The following CNTNAP2 variants were observed in gnomAD, a reference collection of about 807,000 sequenced individuals.
CNTNAP2 encodes the protein contactin associated protein 2, also known as contactin-associated protein-like 2.
Under a neutral mutation model 155.2 loss-of-function variants are expected in CNTNAP2, and 98 were observed. The ratio of observed to expected loss-of-function variants is 0.63; its 90% CI spans 0.54 to 0.75. The LOEUF is 0.75. Among genes scored for constraint, CNTNAP2 ranks in the 30% least tolerant of loss-of-function variants. CNTNAP2 has a pLI of 0.00. For synonymous variants in CNTNAP2, 651 were observed against 631.2 expected, an observed-to-expected ratio of 1.03 and a Z score of -0.47; for missense variants, 1,727 against 1,688.1, an observed-to-expected ratio of 1.02 and a Z score of -0.40.
chr7:147,532,737 G>A (rs568746782), intron 11 of CNTNAP2, among the ~76,000 whole-genome samples: 4 of 152,154 alleles, frequency 2.6e-5, no homozygotes, highest in African/African-American at 9.7e-5. Flanking sequence ...CACTTCTTAC[G>A]TGGCAGCAGC....
chr7:146,785,320 T>G (rs192162278), intron 2 of CNTNAP2, among the ~76,000 whole-genome samples: 119 of 152,274 alleles, frequency 7.8e-4, no homozygotes, highest in Non-Finnish European at 1.5e-3. Context: ...TTTTCACATC[T>G]CAAATAAGGA....
chr7:146,919,684 C>G (rs873540), intron 3 of CNTNAP2, among the ~76,000 whole-genome samples: 2 of 152,168 alleles, frequency 1.3e-5, no homozygotes, highest in South Asian at 2.1e-4. Flanking sequence ...GGAGGTGGCA[C>G]GTTCAAGAGC....
chr7:148,391,601 C>CCCAGCCCTGAGTTAAGGTTTATTT (rs1799351426), intron 22 of CNTNAP2, among the ~76,000 whole-genome samples: 1 of 152,132 alleles, frequency 6.6e-6, no homozygotes, highest in African/African-American at 2.4e-5. Context: ...AAAAGTAACC[C>CCCAGCCCTGAGTTAAGGTTTATTT]CCAGCCCTGA....
chr7:147,895,003 C>T (rs1326402072), intron 13 of CNTNAP2, among the ~76,000 whole-genome samples: 1 of 93,496 alleles, frequency 1.1e-5, no homozygotes, highest in African/African-American at 4.3e-5. Context: ...CAGAGTCTTA[C>T]TCTGTCGCCC....
At chr7:148,181,723 T>C (rs569157312) in intron 18 of CNTNAP2, among the ~76,000 whole-genome samples, 13 of 148,732 alleles carry the variant, frequency 8.7e-5, no homozygotes, top group African/African-American at 3.2e-4. Context: ...TAAATAACTT[T>C]TGTTTCAAGT....
At chr7:146,292,868 G>A (rs1017249474) in intron 1 of CNTNAP2, among the ~76,000 whole-genome samples, 2 of 152,134 alleles carry the variant, frequency 1.3e-5, no homozygotes. Flanking sequence ...TATCCGAGAC[G>A]CTGGGAGAGA....
rs147515090 is a variant in CNTNAP2 at position 146,479,692 on chromosome 7, C to CA, written c.98-294571dup. Among the ~76,000 whole-genome samples, 1,177 of 150,738 alleles carry CA rather than the reference C, an allele frequency of 7.8e-3. 13 individuals are homozygous for CA. The highest frequency in any genetic ancestry group is 0.026 in the African/African-American group (1,084 of 41,174). ...AGAGTCAAGAATTAGCTTAATGGAC[C>CA]AAAAAAAACCCAAAAAACTTGTTTC... On this transcript the variant is annotated intron_variant, in intron 1 of 23. Coordinates refer to ENST00000361727, the MANE Select transcript of CNTNAP2 (RefSeq NM_014141.6).
At chr7:148,121,963 C>A (rs1394580083) in intron 16 of CNTNAP2, among the ~76,000 whole-genome samples, 1 of 152,158 alleles carries the variant, frequency 6.6e-6, no homozygotes, top group Non-Finnish European at 1.5e-5. Context: ...AGTGTGATTT[C>A]TTTCCCTCAA....
chr7:147,402,079 A>G (rs1419592862), intron 10 of CNTNAP2, among the ~76,000 whole-genome samples: 1 of 152,236 alleles, frequency 6.6e-6, no homozygotes, highest in Non-Finnish European at 1.5e-5. Context: ...AGTCAGTAGC[A>G]GAAAAGATAA....
chr7:146,867,539 A>G (rs1419009244), intron 3 of CNTNAP2, among the ~76,000 whole-genome samples: 2 of 152,054 alleles, frequency 1.3e-5, no homozygotes, highest in Non-Finnish European at 2.9e-5. Flanking sequence ...TATACCTGGT[A>G]ATGGGATTGC....
intron 15 of CNTNAP2, among the ~76,000 whole-genome samples, chr7:148,020,688 G>T (rs1802264706): frequency 6.6e-6 from 1 of 152,102 alleles, no homozygotes; most frequent in South Asian, 2.1e-4. Context: ...TTTATGATCT[G>T]CCTTAAAACC....
At chr7:147,459,951 A>G (rs1180069851) in intron 10 of CNTNAP2, among the ~76,000 whole-genome samples, 1 of 152,120 alleles carries the variant, frequency 6.6e-6, no homozygotes, top group East Asian at 1.9e-4. Flanking sequence ...ATGAGAACAC[A>G]TGGACACAGG....
At chr7:146,525,906 G>C (rs1329972595) in intron 1 of CNTNAP2, among the ~76,000 whole-genome samples, 1 of 152,100 alleles carries the variant, frequency 6.6e-6, no homozygotes, top group Admixed American at 6.6e-5. Flanking sequence ...CAGTCCCCAT[G>C]CTGTATCTGC....
intron 14 of CNTNAP2, among the ~76,000 whole-genome samples, chr7:147,907,190 G>A (rs28564993): frequency 0.038 from 5,725 of 151,946 alleles, 234 homozygotes; most frequent in East Asian, 0.17. Flanking sequence ...CCGAGTAGCT[G>A]GGACTACAGG....
chr7:146,197,417 T>C (rs1346389316), intron 1 of CNTNAP2, among the ~76,000 whole-genome samples: 1 of 152,194 alleles, frequency 6.6e-6, no homozygotes, highest in African/African-American at 2.4e-5. Flanking sequence ...ATATAATTTC[T>C]GACTTTTTGG....
Position 147,043,959 on chromosome 7 carries a change from A to G in CNTNAP2, c.455A>G (p.His152Arg), listed in dbSNP as rs1799306379. The change falls in exon 4 of 24, where the codon CAT becomes CGT. Residue 152 changes from histidine to arginine, a missense_variant. By Grantham distance (29) the His-to-Arg change is conservative. Transcript: ENST00000361727. ...GGTGTGGTCCGGCACGAATTACAGCATCCGATTATTGCCCGCTATGTGCGC... is the reference window on the plus strand; with the variant it reads ...GGTGTGGTCCGGCACGAATTACAGCGTCCGATTATTGCCCGCTATGTGCGC... ...SDGVVRHELQ[H>R]PIIARYVRIV... 3.1e-6 allele frequency: 5 copies of G among 1,614,170 alleles called. No homozygotes were observed. The South Asian group carries it at 3.3e-5, about 11-fold the overall frequency.
rs35824185 is a variant in CNTNAP2 at position 148,105,708 on chromosome 7, TCC to T, written c.2384-12408_2384-12407del. Among the ~76,000 whole-genome samples the T allele has an allele frequency of 2.0e-3, 297 of 152,128 alleles. 1 individual carries two copies. Among genetic ancestry groups the T allele is most frequent in the Non-Finnish European group, 3.4e-3 (228 of 68,008 alleles). ...GTTCAAGTGATTCTCCTGCCTCATC[TCC>T]CAAGTAGCTGGGACTACAGGCACCT... is the stretch of plus-strand genomic sequence containing the variant. On this transcript the variant is annotated intron_variant, in intron 15 of 23. Coordinates refer to ENST00000361727, the MANE Select transcript of CNTNAP2 (RefSeq NM_014141.6).
At chr7:147,030,556 G>A (rs141359245) in intron 3 of CNTNAP2, among the ~76,000 whole-genome samples, 1,768 of 152,042 alleles carry the variant, frequency 0.012, 30 homozygotes, top group African/African-American at 0.04. Context: ...TTCATTTAAC[G>A]GTAAAGTTCT....
chr7:147,785,049 A>G (rs1211141692), intron 13 of CNTNAP2, among the ~76,000 whole-genome samples: 1 of 152,104 alleles, frequency 6.6e-6, no homozygotes, highest in African/African-American at 2.4e-5. Context: ...CTGGAGTTGG[A>G]TGTGGCTTTG....
Sources: gnomAD v4.1 joint callset for allele counts (sites outside exome capture counted in the v4.1 genomes callset) on GRCh38, gnomAD v4.1.1 for gene constraint, MANE v1.5 for transcripts, NCBI Gene and HGNC (gene_info 2026-07-23, HGNC 2026-07-21) for gene names.